XKR3: variants seen among roughly 807,000 people sequenced by gnomAD.
XKR3 encodes the protein XK-related protein 3.
XKR3 carries 27 observed loss-of-function variants against 40.3 expected under a neutral mutation model. The ratio of observed to expected loss-of-function variants is 0.67; its 90% CI spans 0.49 to 0.92. The LOEUF is 0.92. XKR3 is among the 40% of genes least tolerant of loss of function. The pLI, the probability that XKR3 is intolerant of heterozygous loss-of-function variation, is 0.00. For missense variants in XKR3, 472 were observed against 537.6 expected (o/e 0.88, Z 1.21); for synonymous variants, 193 against 195.4 (o/e 0.99, Z 0.10).
intron 2 of XKR3, among the ~76,000 whole-genome samples, chr22:16,807,006 AT>A (rs1362618241): frequency 6.6e-6 from 1 of 152,206 alleles, no homozygotes; most frequent in Non-Finnish European, 1.5e-5. Flanking sequence ...TATAAGTTTA[AT>A]TGGATAAAAT....
intron 3 of XKR3, among the ~76,000 whole-genome samples, chr22:16,797,870 T>C (rs1414405920): frequency 6.8e-6 from 1 of 148,010 alleles, no homozygotes; most frequent in Non-Finnish European, 1.5e-5. Context: ...CCAACAAGCA[T>C]ATGAAAAACT....
chr22:16,802,168 T>C (rs116926573), intron 2 of XKR3, among the ~76,000 whole-genome samples: 1 of 152,172 alleles, frequency 6.6e-6, no homozygotes, highest in Admixed American at 6.5e-5. Context: ...GTATGATAAA[T>C]TAAATAGAAA....
At chr22:16,788,050 A>G (rs1313989068) in intron 3 of XKR3, among the ~76,000 whole-genome samples, 3 of 152,180 alleles carry the variant, frequency 2.0e-5, no homozygotes, top group African/African-American at 7.2e-5. Flanking sequence ...TACTGCATAC[A>G]TGGAACATTT....
intron 2 of XKR3, among the ~76,000 whole-genome samples, chr22:16,803,617 C>T (rs1359309638): frequency 6.6e-6 from 1 of 152,160 alleles, no homozygotes; most frequent in African/African-American, 2.4e-5. Flanking sequence ...CCTAATAAAA[C>T]AGGTTGCAGC....
chr22:16,790,762 T>C (rs5748631), intron 3 of XKR3, among the ~76,000 whole-genome samples: 123,837 of 151,968 alleles, frequency 0.81, 50,788 homozygotes, highest in Middle Eastern at 0.97. Flanking sequence ...GTAAAGAAAA[T>C]AGGTCTCTTA....
At chr22:16,793,194 T>TA (rs1431885618) in intron 3 of XKR3, among the ~76,000 whole-genome samples, 1 of 152,184 alleles carries the variant, frequency 6.6e-6, no homozygotes, top group Non-Finnish European at 1.5e-5. Context: ...GTATTTTTAG[T>TA]AGAGGCAAGG....
intron 3 of XKR3, among the ~76,000 whole-genome samples, chr22:16,788,240 A>G (rs1466817527): frequency 6.6e-6 from 1 of 152,186 alleles, no homozygotes; most frequent in Non-Finnish European, 1.5e-5. Flanking sequence ...ATATTTCTTG[A>G]GACAAAAATA....
At chr22:16,785,776 A>T (rs2146138106) in intron 3 of XKR3, among the ~76,000 whole-genome samples, 1 of 152,220 alleles carries the variant, frequency 6.6e-6, no homozygotes, top group African/African-American at 2.4e-5. Flanking sequence ...TGAACCCAGG[A>T]GGCAGAGGTT....
chr22:16,800,723 G>A (rs999593001), intron 2 of XKR3, among the ~76,000 whole-genome samples: 1 of 152,136 alleles, frequency 6.6e-6, no homozygotes, highest in Admixed American at 6.5e-5. Flanking sequence ...GAAATAAGCA[G>A]ATCTTTATAA....
chr22:16,811,832 C>CAT (rs2060214167), intron 1 of XKR3, among the ~76,000 whole-genome samples: 2 of 151,970 alleles, frequency 1.3e-5, no homozygotes, highest in East Asian at 3.9e-4. Context: ...CATGGTGAAA[C>CAT]CCTGTTTCTA....
intron 1 of XKR3, among the ~76,000 whole-genome samples, chr22:16,822,371 C>T (rs2060260419): frequency 7.1e-6 from 1 of 140,054 alleles, no homozygotes; most frequent in African/African-American, 2.7e-5. Context: ...CCAACAAAGG[C>T]CATAATAGGA....
rs1326391152 is a variant in XKR3, at chr22:16,807,606, CTAAA to C, written c.335+129_335+132del. 1.1e-5 allele frequency: 10 copies of C among 873,468 alleles called. No individual in the cohort carries two copies. In the Admixed American group the frequency reaches 2.0e-4, roughly 18 times the overall value. 54.1% of individuals were successfully genotyped at this position (873,468 alleles called of 1,614,324 possible). A position where few individuals can be genotyped will look rare whatever the true frequency, so the allele number is the denominator to read the frequency against. ...AGGAACAGTTACGAAAGTGTGAAAA[CTAAA>C]TAAATCTAAAGAGGGAAATATTTCA... On this transcript the variant is annotated intron_variant, in intron 2 of 3. Coordinates refer to ENST00000684488, the MANE Select transcript of XKR3 (RefSeq NM_001386955.1).
chr22:16,813,088 T>C (rs1426523298), intron 1 of XKR3, among the ~76,000 whole-genome samples: 3 of 151,942 alleles, frequency 2.0e-5, no homozygotes, highest in Non-Finnish European at 4.4e-5. Flanking sequence ...ATAGAGATCA[T>C]CCTGGTTAAC....
chr22:16,793,834 G>A (rs2060130391), intron 3 of XKR3, among the ~76,000 whole-genome samples: 2 of 152,150 alleles, frequency 1.3e-5, no homozygotes. Flanking sequence ...AGATGAAATA[G>A]CCACTTAAAG....
At chr22:16,812,253 A>T (rs12484272) in intron 1 of XKR3, among the ~76,000 whole-genome samples, 30,049 of 152,114 alleles carry the variant, frequency 0.2, 3,649 homozygotes, top group Middle Eastern at 0.3. Context: ...GGGCACATTC[A>T]GTACTTTTGT....
intron 2 of XKR3, among the ~76,000 whole-genome samples, chr22:16,800,443 A>G (rs1272458212): frequency 2.0e-5 from 3 of 152,208 alleles, no homozygotes; most frequent in Admixed American, 6.5e-5. Context: ...AAAGACATCA[A>G]TGTTTTTAGG....
intron 3 of XKR3, among the ~76,000 whole-genome samples, chr22:16,795,222 C>G (rs973041378): frequency 1.6e-4 from 24 of 152,066 alleles, no homozygotes; most frequent in African/African-American, 5.8e-4. Flanking sequence ...GTCCACGGTG[C>G]AATAAAAATA....
Position 16,783,764 on chromosome 22 carries a change from C to A in XKR3, c.1235G>T (p.Arg412Leu). Residue 412 changes from arginine to leucine, a missense_variant, in exon 4 of 4, where the codon CGT (arginine) becomes CTT (leucine). Physicochemically the swap from Arg to Leu is moderately radical, Grantham distance 102. Coordinates refer to ENST00000684488, the MANE Select transcript of XKR3 (RefSeq NM_001386955.1). ...CGGTGCTTCTGGCTGATTTTCAGTA[C>A]GTCCTGGCAACACTTTGCCTGACTG... is the stretch of plus-strand genomic sequence containing the variant. ...PWQSGKVLPG[R>L]TENQPEAPYY... is the part of the protein sequence containing the mutation. 3 of 1,614,072 alleles carry A rather than the reference C, an allele frequency of 1.9e-6. No individual in the cohort carries two copies. Among genetic ancestry groups the A allele is most frequent in the Non-Finnish European group, 8.5e-7 (1 of 1,180,026 alleles).
chr22:16,813,208 T>C (rs1232852503), intron 1 of XKR3, among the ~76,000 whole-genome samples: 4 of 151,448 alleles, frequency 2.6e-5, no homozygotes, highest in South Asian at 2.1e-4. Flanking sequence ...GGCGTGAACC[T>C]GGGAGACGGA....
Sources: allele counts gnomAD v4.1 joint callset (sites outside exome capture counted in the v4.1 genomes callset), GRCh38; gene constraint gnomAD v4.1.1; transcripts MANE v1.5; gene names NCBI Gene and HGNC (gene_info 2026-07-23, HGNC 2026-07-21).